Variants in PTPN13 observed in about 807,000 individuals in gnomAD.
PTPN13 encodes protein tyrosine phosphatase non-receptor type 13, also known as tyrosine-protein phosphatase non-receptor type 13.
A neutral mutation model predicts 284.0 loss-of-function variants in PTPN13; 191 were observed. That is an observed-to-expected ratio of 0.67 (90% CI 0.60 to 0.76). The LOEUF (loss-of-function observed/expected upper bound fraction) is 0.76. PTPN13 is among the 30% of genes least tolerant of loss of function. PTPN13 has a pLI of 0.00. For synonymous variants in PTPN13, 986 were observed against 1,022.3 expected, an observed-to-expected ratio of 0.96 and a Z score of 0.68; for missense variants, 2,797 against 2,939.9, an observed-to-expected ratio of 0.95 and a Z score of 1.12.
intron 1 of PTPN13, among the ~76,000 whole-genome samples, chr4:86,603,328 T>C (rs1260417159): frequency 1.3e-5 from 2 of 152,194 alleles, no homozygotes; most frequent in African/African-American, 4.8e-5. Flanking sequence ...CTGTCAGATA[T>C]ATAAATTGTA....
In PTPN13 at chr4:86,735,726, A is replaced by G. The variant is rs778510324; in HGVS notation, c.2284A>G (p.Thr762Ala). ...NTYVGASEKE[T>A]ELEFLKVCQR... ...CTATGTGGGAGCTTCTGAAAAAGAG[A>G]CAGAGTTAGAATTTTTAAAGGTAAG... is the stretch of plus-strand genomic sequence containing the variant. The change falls in exon 15 of 48, where the codon ACA (threonine) becomes GCA (alanine). Residue 762 changes from threonine (T) to alanine (A), a missense_variant. By Grantham distance (58) the Thr-to-Ala change is moderately conservative. Coordinates refer to ENST00000411767, the MANE Select transcript of PTPN13 (RefSeq NM_080683.3). 118 of 1,610,488 alleles carry G rather than the reference A, an allele frequency of 7.3e-5. No individual in the cohort carries two copies. The highest frequency in any genetic ancestry group is 9.4e-5 in the Non-Finnish European group (111 of 1,179,028).
intron 9 of PTPN13, among the ~76,000 whole-genome samples, chr4:86,721,558 A>G (rs1466380844): frequency 6.6e-6 from 1 of 152,130 alleles, no homozygotes; most frequent in Non-Finnish European, 1.5e-5. Flanking sequence ...TGTTTTATAT[A>G]GGTAGTATGA....
Position 86,660,406 on chromosome 4 carries a change from A to T in PTPN13, c.116-11959A>T, listed in dbSNP as rs192442476. Among the ~76,000 whole-genome samples the T allele has an allele frequency of 9.1e-3, 1,343 of 147,754 alleles. 25 individuals are homozygous for T. Among genetic ancestry groups the T allele is most frequent in the African/African-American group, 0.029 (1,212 of 41,232 alleles). The stretch of plus-strand genomic sequence containing the variant: ...AATTGAATTCCTGAGGTTTTTTTTT[A>T]AAAAAAAGACTTTATAGGAAATATA... On this transcript the variant is annotated intron_variant, in intron 2 of 47. Coordinates refer to ENST00000411767, the MANE Select transcript of PTPN13 (RefSeq NM_080683.3).
intron 1 of PTPN13, among the ~76,000 whole-genome samples, chr4:86,606,570 T>C (rs1764759555): frequency 6.6e-6 from 1 of 151,902 alleles, no homozygotes; most frequent in Admixed American, 6.6e-5. Flanking sequence ...GCATTATACT[T>C]GGCAGGTATC....
chr4:86,792,194 G>T (rs1282582570), intron 40 of PTPN13, among the ~76,000 whole-genome samples: 1 of 152,142 alleles, frequency 6.6e-6, no homozygotes, highest in Admixed American at 6.5e-5. Context: ...ACCACAGCAC[G>T]AGAACTTCAT....
intron 8 of PTPN13, 88 bp downstream of exon 8, chr4:86,716,713 C>T (rs1733063545): frequency 8.8e-6 from 9 of 1,024,180 alleles, no homozygotes; most frequent in Non-Finnish European, 1.3e-5. Context: ...ATATAAATTG[C>T]CAGAAAGAAT....
At chr4:86,640,786 T>G (rs1177274840) in intron 2 of PTPN13, among the ~76,000 whole-genome samples, 1 of 152,190 alleles carries the variant, frequency 6.6e-6, no homozygotes, top group Non-Finnish European at 1.5e-5. Flanking sequence ...GAGAGGCAAT[T>G]ATTGCATAAC....
At chr4:86,726,252 T>C (rs1734238074) in intron 10 of PTPN13, among the ~76,000 whole-genome samples, 2 of 149,744 alleles carry the variant, frequency 1.3e-5, no homozygotes, top group Non-Finnish European at 1.5e-5. Flanking sequence ...TCAGGTAGCA[T>C]GATGCCTCCA....
At chr4:86,665,380 T>G (rs1341428982) in intron 2 of PTPN13, among the ~76,000 whole-genome samples, 1 of 152,186 alleles carries the variant, frequency 6.6e-6, no homozygotes, top group Non-Finnish European at 1.5e-5. Context: ...AAATAAAAAT[T>G]TCTAAAACTA....
chr4:86,636,622 A>T (rs993108635), intron 2 of PTPN13, among the ~76,000 whole-genome samples: 2 of 152,176 alleles, frequency 1.3e-5, no homozygotes, highest in African/African-American at 4.8e-5. Flanking sequence ...ATGTTCTTTG[A>T]AACCAACGAG....
intron 2 of PTPN13, among the ~76,000 whole-genome samples, chr4:86,649,619 G>T (rs1053544194): frequency 1.3e-5 from 2 of 152,022 alleles, no homozygotes; most frequent in Admixed American, 6.5e-5. Flanking sequence ...ATGCTGTTTT[G>T]GTATCTATAG....
chr4:86,638,095 A>G (rs1723261728), intron 2 of PTPN13, among the ~76,000 whole-genome samples: 1 of 152,218 alleles, frequency 6.6e-6, no homozygotes, highest in Non-Finnish European at 1.5e-5. Flanking sequence ...CAAAGAGAAT[A>G]AAATACTTAG....
At chr4:86,641,066 T>A (rs932622062) in intron 2 of PTPN13, among the ~76,000 whole-genome samples, 1 of 152,236 alleles carries the variant, frequency 6.6e-6, no homozygotes, top group African/African-American at 2.4e-5. Flanking sequence ...TTTATGATTT[T>A]TCATTCTTTG....
rs778932084 is a variant in PTPN13, at chr4:86,780,413, C to T, written c.5903C>T (p.Pro1968Leu). The change falls in exon 36 of 48, where the codon CCA becomes CTA. Residue 1968 changes from proline (P) to leucine (L), a missense_variant. Pro to Leu is a moderately conservative substitution (Grantham distance 98). Coordinates refer to ENST00000411767, the MANE Select transcript of PTPN13 (RefSeq NM_080683.3). ...LVLKATRNDL[P>L]VVPSSKRSAV... is the part of the protein sequence containing the mutation. ...TTTTTACAACACAGAAATGATCTTC[C>T]AGTGGTCCCCAGCTCAAAGAGGTCT... The T allele has an allele frequency of 1.9e-6, 3 of 1,610,090 alleles. No individual in the cohort carries two copies. In the South Asian group the frequency reaches 3.3e-5, roughly 18 times the overall value.
chr4:86,814,609 T>G lies in PTPN13; in HGVS notation c.*58T>G. On this transcript the variant is annotated 3_prime_UTR_variant, in exon 48 of 48. Transcript: ENST00000411767. Reference sequence around the variant, plus strand: ...CTCTCCTTAACCTCCAGCAGACTCCTGCTCTCTATCCAAAATAAAGATCAC... The same window carrying G: ...CTCTCCTTAACCTCCAGCAGACTCCGGCTCTCTATCCAAAATAAAGATCAC... 3.6e-6 allele frequency: 5 copies of G among 1,370,402 alleles called. No individual in the cohort carries two copies. Among genetic ancestry groups the G allele is most frequent in the Non-Finnish European group, 5.2e-6 (5 of 968,798 alleles). 84.9% of individuals were successfully genotyped at this position (1,370,402 alleles called of 1,614,324 possible). A position where few individuals can be genotyped will look rare whatever the true frequency, so the allele number is the denominator to read the frequency against.
intron 2 of PTPN13, among the ~76,000 whole-genome samples, chr4:86,660,577 T>C (rs1006277446): frequency 1.3e-5 from 2 of 152,166 alleles, no homozygotes; most frequent in African/African-American, 4.8e-5. Flanking sequence ...GGTGTATTAG[T>C]TGTCTTTGAC....
chr4:86,624,769 T>C (rs768436237), intron 1 of PTPN13, among the ~76,000 whole-genome samples: 74 of 152,242 alleles, frequency 4.9e-4, no homozygotes, highest in Non-Finnish European at 7.9e-4. Context: ...GCCATGATCA[T>C]GCCTGTGAAT....
At chr4:86,801,209 T>G (rs952080942) in intron 42 of PTPN13, among the ~76,000 whole-genome samples, 6 of 152,180 alleles carry the variant, frequency 3.9e-5, no homozygotes, top group Non-Finnish European at 1.5e-5. Flanking sequence ...TTCAAGGGAA[T>G]TCTTTATTTG....
intron 42 of PTPN13, among the ~76,000 whole-genome samples, chr4:86,802,018 G>T (rs1270152816): frequency 6.6e-6 from 1 of 152,064 alleles, no homozygotes; most frequent in African/African-American, 2.4e-5. Context: ...TTAACCAAAA[G>T]TCTGTTTTTT....
Sources: allele counts gnomAD v4.1 joint callset (sites outside exome capture counted in the v4.1 genomes callset), GRCh38; gene constraint gnomAD v4.1.1; transcripts MANE v1.5; gene names NCBI Gene and HGNC (gene_info 2026-07-23, HGNC 2026-07-21).